The following CPQ variants were observed in gnomAD, a reference collection of about 807,000 sequenced individuals.
CPQ encodes the protein carboxypeptidase Q.
In CPQ, 37 loss-of-function variants were observed where a neutral mutation model predicts 45.7. The ratio of observed to expected loss-of-function variants is 0.81; its 90% CI spans 0.62 to 1.07. The LOEUF is 1.07. Among genes scored for constraint, CPQ ranks in the 50% least tolerant of loss-of-function variants. The probability of loss-of-function intolerance (pLI) is 0.00; values close to 1 mark genes in which losing one functional copy is unlikely to be tolerated. For synonymous variants in CPQ, 186 were observed against 205.8 expected (o/e 0.90, Z 0.82); for missense variants, 537 against 572.9 (o/e 0.94, Z 0.64).
At chr8:96,714,596 C>T (rs1809652545) in intron 1 of CPQ, among the ~76,000 whole-genome samples, 1 of 152,006 alleles carries the variant, frequency 6.6e-6, no homozygotes, top group Non-Finnish European at 1.5e-5. Context: ...TATATCTCCT[C>T]AAGTAGCTTA....
chr8:96,780,799 C>T (rs1245225399), intron 1 of CPQ, among the ~76,000 whole-genome samples: 1 of 151,346 alleles, frequency 6.6e-6, no homozygotes, highest in Non-Finnish European at 1.5e-5. Context: ...GGATTACAGG[C>T]ATGAGCCACT....
chr8:96,716,533 T>A (rs183418385), intron 1 of CPQ, among the ~76,000 whole-genome samples: 1 of 152,254 alleles, frequency 6.6e-6, no homozygotes, highest in African/African-American at 2.4e-5. Context: ...CTTAGGCCTT[T>A]GCATCCTCAT....
chr8:97,091,854 A>AGATGGATG lies in CPQ; in HGVS notation c.1255+25666_1255+25673dup, dbSNP rs35037040. ...GTGAGAGATACAAAGATGGATGGAT[A>AGATGGATG]GATGGATGGATGGATGGATGGATGG... On this transcript the variant is annotated intron_variant, in intron 7 of 7. Transcript: ENST00000220763. Among the ~76,000 whole-genome samples the AGATGGATG allele has an allele frequency of 7.8e-3, 1,180 of 150,678 alleles. 8 individuals are homozygous for AGATGGATG. Among genetic ancestry groups the AGATGGATG allele is most frequent in the Non-Finnish European group, 0.013 (852 of 67,410 alleles).
intron 1 of CPQ, among the ~76,000 whole-genome samples, chr8:96,767,203 A>G (rs1810478828): frequency 6.6e-6 from 1 of 152,160 alleles, no homozygotes; most frequent in South Asian, 2.1e-4. Flanking sequence ...ACGTTTAGGA[A>G]GTAGGACGGT....
intron 1 of CPQ, among the ~76,000 whole-genome samples, chr8:96,775,640 A>G (rs1302133611): frequency 4.6e-5 from 7 of 152,230 alleles, no homozygotes; most frequent in Non-Finnish European, 1.5e-5. Flanking sequence ...AAAACTGTGC[A>G]ACAACAATTT....
intron 5 of CPQ, among the ~76,000 whole-genome samples, chr8:96,995,108 G>T (rs962888150): frequency 6.6e-6 from 1 of 151,986 alleles, no homozygotes; most frequent in Non-Finnish European, 1.5e-5. Context: ...AGACTATCCA[G>T]GTTTGAACAC....
At chr8:96,720,060 A>G (rs548126703) in intron 1 of CPQ, among the ~76,000 whole-genome samples, 56 of 152,294 alleles carry the variant, frequency 3.7e-4, no homozygotes, top group African/African-American at 1.3e-3. Flanking sequence ...ATCTCTGTGC[A>G]CTATTTTGTC....
At chr8:96,941,590 G>T (rs965073759) in intron 4 of CPQ, among the ~76,000 whole-genome samples, 6 of 152,092 alleles carry the variant, frequency 3.9e-5, no homozygotes, top group African/African-American at 1.4e-4. Context: ...TCAGTATGAG[G>T]TTGAGTAGAT....
chr8:97,048,530 A>G (rs531030630), intron 6 of CPQ, among the ~76,000 whole-genome samples: 9 of 152,338 alleles, frequency 5.9e-5, no homozygotes, highest in Non-Finnish European at 8.8e-5. Flanking sequence ...AGATAAAACT[A>G]TTTGTAACCT....
chr8:96,724,906 T>A (rs183903735), intron 1 of CPQ, among the ~76,000 whole-genome samples: 14 of 152,216 alleles, frequency 9.2e-5, no homozygotes, highest in African/African-American at 2.9e-4. Flanking sequence ...TGAAACAGAA[T>A]AGAGATCCCA....
chr8:96,880,385 A>G (rs1162335494), intron 4 of CPQ, among the ~76,000 whole-genome samples: 2 of 151,942 alleles, frequency 1.3e-5, no homozygotes, highest in Admixed American at 1.3e-4. Flanking sequence ...TTGTAACCAA[A>G]GGAAAGTAAA....
intron 7 of CPQ, among the ~76,000 whole-genome samples, chr8:97,083,920 C>A (rs1268786589): frequency 1.3e-5 from 2 of 152,086 alleles, no homozygotes; most frequent in African/African-American, 4.8e-5. Flanking sequence ...CTCTGTAAGC[C>A]TCACTTATTT....
At chr8:96,867,297 A>G (rs544118556) in intron 3 of CPQ, among the ~76,000 whole-genome samples, 1 of 152,220 alleles carries the variant, frequency 6.6e-6, no homozygotes, top group Non-Finnish European at 1.5e-5. Context: ...AATTCTTCAA[A>G]GCTCAGCAAC....
chr8:96,799,167 T>C (rs1810974016), intron 2 of CPQ, among the ~76,000 whole-genome samples: 1 of 152,184 alleles, frequency 6.6e-6, no homozygotes, highest in African/African-American at 2.4e-5. Context: ...AAATGGTGAT[T>C]AGGTTGTTCA....
intron 1 of CPQ, among the ~76,000 whole-genome samples, chr8:96,709,562 C>A (rs1809580772): frequency 6.6e-6 from 1 of 152,102 alleles, no homozygotes; most frequent in Admixed American, 6.5e-5. Context: ...TAAACATATG[C>A]ATGCAAGTGT....
intron 4 of CPQ, among the ~76,000 whole-genome samples, chr8:96,952,861 AG>A (rs1813289370): frequency 6.6e-6 from 1 of 152,152 alleles, no homozygotes; most frequent in South Asian, 2.1e-4. Context: ...GGATTATCAA[AG>A]GACACTATAA....
chr8:96,808,185 G>A (rs542082183), intron 2 of CPQ, among the ~76,000 whole-genome samples: 120 of 152,244 alleles, frequency 7.9e-4, no homozygotes, highest in African/African-American at 2.8e-3. Context: ...AAGTTTGATA[G>A]GATTGTGACT....
At chr8:96,711,704 A>T (rs1007094296) in intron 1 of CPQ, among the ~76,000 whole-genome samples, 1 of 152,170 alleles carries the variant, frequency 6.6e-6, no homozygotes, top group African/African-American at 2.4e-5. Context: ...CCATGATTCA[A>T]TTACTTCCCA....
At chr8:97,048,928 G>T (rs958212108) in intron 6 of CPQ, among the ~76,000 whole-genome samples, 1 of 151,954 alleles carries the variant, frequency 6.6e-6, no homozygotes. Flanking sequence ...ATCTTTTTCT[G>T]AATCACCAAG....
Sources: gnomAD v4.1 joint callset for allele counts (sites outside exome capture counted in the v4.1 genomes callset) on GRCh38, gnomAD v4.1.1 for gene constraint, MANE v1.5 for transcripts, NCBI Gene and HGNC (gene_info 2026-07-23, HGNC 2026-07-21) for gene names.